Variants in PTPRK observed in about 807,000 individuals in gnomAD.
PTPRK encodes the protein receptor-type tyrosine-protein phosphatase kappa.
Under a neutral mutation model 178.0 loss-of-function variants are expected in PTPRK, and 75 were observed. The observed-to-expected ratio is 0.42, with a 90% confidence interval of 0.35 to 0.51. The LOEUF is 0.51. Ranked by LOEUF, PTPRK falls within the 20% of genes least tolerant of loss-of-function variation. The pLI is 0.02. For missense variants in PTPRK, 1,441 were observed against 1,797.8 expected (o/e 0.80, Z 3.59); for synonymous variants, 637 against 620.6 (o/e 1.03, Z -0.39).
At chr6:128,429,249 G>A (rs550715701) in intron 1 of PTPRK, among the ~76,000 whole-genome samples, 2 of 152,248 alleles carry the variant, frequency 1.3e-5, no homozygotes, top group East Asian at 1.9e-4. Context: ...CTATGGTCAC[G>A]AAGTCTAAAC....
intron 13 of PTPRK, among the ~76,000 whole-genome samples, chr6:128,064,175 T>C (rs1159264199): frequency 6.6e-6 from 1 of 152,168 alleles, no homozygotes; most frequent in East Asian, 1.9e-4. Context: ...ATGCAAATGT[T>C]TTCTCTTGTC....
rs372208835 is a variant in PTPRK at position 127,992,465 on chromosome 6, C to G, written c.2881+208G>C. On this transcript the variant is annotated intron_variant, in intron 19 of 29. Coordinates refer to ENST00000368226, the MANE Select transcript of PTPRK (RefSeq NM_002844.4). ...ATAACCACTACCAGCTTTTCTTTCACTTTTAATTAAAAGTAAATCAAGCTT... is the reference window on the plus strand; with the variant it reads ...ATAACCACTACCAGCTTTTCTTTCAGTTTTAATTAAAAGTAAATCAAGCTT... Among the ~76,000 whole-genome samples the G allele has an allele frequency of 3.4e-4, 51 of 151,892 alleles. 1 individual carries two copies. The East Asian group carries it at 8.3e-3, about 25-fold the overall frequency.
intron 13 of PTPRK, among the ~76,000 whole-genome samples, chr6:128,044,815 C>G (rs1777782838): frequency 6.6e-6 from 1 of 151,798 alleles, no homozygotes. Flanking sequence ...ATCTTGATTA[C>G]TTAATTTGTA....
At chr6:128,162,226 A>G (rs1036172791) in intron 7 of PTPRK, among the ~76,000 whole-genome samples, 4 of 151,718 alleles carry the variant, frequency 2.6e-5, no homozygotes, top group Non-Finnish European at 5.9e-5. Flanking sequence ...TATTCAAGAC[A>G]TAAATCTTAC....
intron 5 of PTPRK, among the ~76,000 whole-genome samples, chr6:128,229,115 G>A (rs904032798): frequency 6.6e-6 from 1 of 150,672 alleles, no homozygotes; most frequent in South Asian, 2.1e-4. Flanking sequence ...TATGACAGGT[G>A]GGCTAATATT....
intron 2 of PTPRK, among the ~76,000 whole-genome samples, chr6:128,362,542 T>G (rs1208691358): frequency 6.6e-6 from 1 of 152,216 alleles, no homozygotes; most frequent in Non-Finnish European, 1.5e-5. Flanking sequence ...GGATCTAAAT[T>G]ATGCTCTTAA....
chr6:128,429,630 C>A lies in PTPRK; in HGVS notation c.101-31942G>T, dbSNP rs142280976. Among the ~76,000 whole-genome samples the A allele has an allele frequency of 7.1e-4, 108 of 152,198 alleles. No homozygotes were observed. The East Asian group carries it at 0.01, about 14-fold the overall frequency. On this transcript the variant is annotated intron_variant, in intron 1 of 29. Coordinates refer to ENST00000368226, the MANE Select transcript of PTPRK (RefSeq NM_002844.4). The stretch of plus-strand genomic sequence containing the variant: ...AACATCTAATCTATAAAATATATAT[C>A]TTTTTACAATGCATTCCATTGCATT...
chr6:128,119,874 C>T (rs1223750196), intron 7 of PTPRK, among the ~76,000 whole-genome samples: 9 of 151,892 alleles, frequency 5.9e-5, no homozygotes, highest in Admixed American at 2.6e-4. Context: ...AGCTATATAC[C>T]AGGCAATTAT....
chr6:128,176,425 T>C (rs1413751930), intron 7 of PTPRK, among the ~76,000 whole-genome samples: 2 of 151,868 alleles, frequency 1.3e-5, no homozygotes, highest in Non-Finnish European at 2.9e-5. Context: ...TCAACTTCAC[T>C]GAGATGATTT....
At chr6:128,471,554 AT>A (rs2128418620) in intron 1 of PTPRK, among the ~76,000 whole-genome samples, 1 of 149,018 alleles carries the variant, frequency 6.7e-6, no homozygotes, top group South Asian at 2.2e-4. Context: ...GCAATTATAA[AT>A]TACTGAAAAA....
chr6:128,374,514 T>G (rs1262072874), intron 2 of PTPRK, among the ~76,000 whole-genome samples: 1 of 152,144 alleles, frequency 6.6e-6, no homozygotes, highest in African/African-American at 2.4e-5. Context: ...ATTGTGTCCT[T>G]CCCAGTGCTC....
At chr6:128,117,377 A>C (rs1791713843) in intron 7 of PTPRK, among the ~76,000 whole-genome samples, 1 of 152,156 alleles carries the variant, frequency 6.6e-6, no homozygotes, top group Non-Finnish European at 1.5e-5. Flanking sequence ...TATCTTCAAT[A>C]ACAATGGGGC....
chr6:128,087,151 T>A (rs2115015954), intron 8 of PTPRK, among the ~76,000 whole-genome samples: 1 of 152,222 alleles, frequency 6.6e-6, no homozygotes, highest in South Asian at 2.1e-4. Flanking sequence ...TTTAATGCAA[T>A]ATGAAAAAGA....
chr6:128,418,999 T>A (rs529457271), intron 1 of PTPRK, among the ~76,000 whole-genome samples: 5 of 152,222 alleles, frequency 3.3e-5, no homozygotes, highest in Non-Finnish European at 7.3e-5. Flanking sequence ...TGCCTTCCTT[T>A]TCTGAAAATT....
At chr6:128,506,920 C>A (rs564532492) in intron 1 of PTPRK, among the ~76,000 whole-genome samples, 17 of 152,170 alleles carry the variant, frequency 1.1e-4, no homozygotes, top group Admixed American at 1.0e-3. Flanking sequence ...TCTGCAAACA[C>A]TGGCAATTTC....
At chr6:128,154,579 TTACAC>T (rs1307704034) in intron 7 of PTPRK, among the ~76,000 whole-genome samples, 1 of 151,548 alleles carries the variant, frequency 6.6e-6, no homozygotes. Context: ...AACGCACAAA[TTACAC>T]TACCTCATTT....
At chr6:128,111,588 T>TC (rs1313501860) in intron 7 of PTPRK, among the ~76,000 whole-genome samples, 32 of 151,656 alleles carry the variant, frequency 2.1e-4, no homozygotes, top group Non-Finnish European at 3.1e-4. Flanking sequence ...GTTTTATGCT[T>TC]ACTTAAAATG....
chr6:128,052,887 A>G (rs929768416), intron 13 of PTPRK, among the ~76,000 whole-genome samples: 1 of 152,108 alleles, frequency 6.6e-6, no homozygotes, highest in Admixed American at 6.6e-5. Context: ...TAGTTCAGCC[A>G]ATGAGGGGCC....
At chr6:128,233,632 C>G (rs943835628) in intron 5 of PTPRK, among the ~76,000 whole-genome samples, 1 of 152,218 alleles carries the variant, frequency 6.6e-6, no homozygotes, top group East Asian at 1.9e-4. Context: ...TCACACTATT[C>G]TAGCAATGAT....
Sources: allele counts gnomAD v4.1 joint callset (sites outside exome capture counted in the v4.1 genomes callset), GRCh38; gene constraint gnomAD v4.1.1; transcripts MANE v1.5; gene names NCBI Gene and HGNC (gene_info 2026-07-23, HGNC 2026-07-21).